Variants in PTPN3 observed in about 807,000 individuals in gnomAD.
The protein encoded by PTPN3 is protein tyrosine phosphatase non-receptor type 3.
PTPN3 carries 96 observed loss-of-function variants against 132.7 expected under a neutral mutation model. The observed-to-expected ratio is 0.72, with a 90% CI of 0.61 to 0.86. The LOEUF is 0.86. PTPN3 is among the 40% of genes least tolerant of loss of function. The pLI, the probability that PTPN3 is intolerant of heterozygous loss-of-function variation, is 0.00. For synonymous variants in PTPN3, 398 were observed against 429.0 expected (o/e 0.93, Z 0.89); for missense variants, 1,125 against 1,159.6 (o/e 0.97, Z 0.43).
chr9:109,395,632 T>C (rs1004299561), intron 19 of PTPN3, among the ~76,000 whole-genome samples: 4 of 151,884 alleles, frequency 2.6e-5, no homozygotes, highest in Admixed American at 2.6e-4. Context: ...ACTAAAAATA[T>C]AAAAATTAGC....
chr9:109,514,109 C>T, the PTPN3 span, among the ~76,000 whole-genome samples: 1 of 152,170 alleles, frequency 6.6e-6, no homozygotes, highest in Non-Finnish European at 1.5e-5. Context: ...GACGTGTTCT[C>T]TCCATTCGGC....
At chr9:109,417,221 T>C (rs1254394229) in intron 14 of PTPN3, among the ~76,000 whole-genome samples, 1 of 152,222 alleles carries the variant, frequency 6.6e-6, no homozygotes, top group Non-Finnish European at 1.5e-5. Flanking sequence ...TGTGCTGCTA[T>C]AAATACGGAA....
intron 19 of PTPN3, among the ~76,000 whole-genome samples, chr9:109,393,475 C>A (rs1054535393): frequency 6.7e-6 from 1 of 150,028 alleles, no homozygotes; most frequent in Non-Finnish European, 1.5e-5. Context: ...AACCTCCATC[C>A]CCTGGGGTTC....
chr9:109,478,455 G>C (rs1846797041), intron 1 of PTPN3, among the ~76,000 whole-genome samples: 2 of 152,158 alleles, frequency 1.3e-5, no homozygotes, highest in African/African-American at 4.8e-5. Flanking sequence ...CACTAGCAGA[G>C]CTCAGATGTC....
chr9:109,491,237 T>C (rs532625271), intron 1 of PTPN3, among the ~76,000 whole-genome samples: 8 of 152,134 alleles, frequency 5.3e-5, no homozygotes, highest in Admixed American at 2.0e-4. Context: ...TTGAGGTTTA[T>C]AGATTAAACA....
At chr9:109,479,913 C>T (rs1056091409) in intron 1 of PTPN3, among the ~76,000 whole-genome samples, 6 of 152,162 alleles carry the variant, frequency 3.9e-5, no homozygotes, top group Admixed American at 3.3e-4. Context: ...TTGTTTTCTA[C>T]AGAGGCTGCA....
At chr9:109,425,196 A>T (rs990867763) in intron 12 of PTPN3, among the ~76,000 whole-genome samples, 4 of 152,246 alleles carry the variant, frequency 2.6e-5, no homozygotes, top group African/African-American at 9.6e-5. Context: ...GAGAGATAGC[A>T]TTTAGCACCA....
At chr9:109,391,329 C>T in intron 20 of PTPN3, 130 bp from the exon 21 acceptor site, 1 of 1,272,748 alleles carries the variant, frequency 7.9e-7, no homozygotes, top group Non-Finnish European at 1.1e-6. Context: ...CCCAACTGTT[C>T]CGAGTCTGAA....
intron 1 of PTPN3, among the ~76,000 whole-genome samples, chr9:109,495,121 G>GTC (rs1196648766): frequency 1.3e-5 from 2 of 152,198 alleles, no homozygotes; most frequent in East Asian, 3.9e-4. Context: ...CACTGACCTG[G>GTC]TCTCCTCCTG....
intron 1 of PTPN3, among the ~76,000 whole-genome samples, chr9:109,482,695 T>C (rs2132104732): frequency 6.6e-6 from 1 of 152,270 alleles, no homozygotes; most frequent in Admixed American, 6.5e-5. Context: ...CACTATCCAC[T>C]GTCTGCCCTG....
chr9:109,379,863 C>A (rs567943370), intron 25 of PTPN3, among the ~76,000 whole-genome samples: 2 of 152,244 alleles, frequency 1.3e-5, no homozygotes, highest in South Asian at 2.1e-4. Flanking sequence ...GAGAAACTGG[C>A]GGTCTGGGGG....
At chr9:109,448,902 C>CAAAAAAAAAAAAAAAA in intron 5 of PTPN3, 47 bp from the exon 6 acceptor site, 1 of 1,290,370 alleles carries the variant, frequency 7.7e-7, no homozygotes, top group Non-Finnish European at 9.8e-7. Context: ...CTGAAATAAG[C>CAAAAAAAAAAAAAAAA]AAAAAAAAAA....
intron 9 of PTPN3, among the ~76,000 whole-genome samples, chr9:109,435,829 C>T (rs974455317): frequency 6.6e-6 from 1 of 152,100 alleles, no homozygotes; most frequent in Non-Finnish European, 1.5e-5. Context: ...TGGTCAAGTC[C>T]CAAAGCTGAT....
intron 9 of PTPN3, among the ~76,000 whole-genome samples, chr9:109,434,956 A>G (rs1307719979): frequency 6.6e-6 from 1 of 152,208 alleles, no homozygotes; most frequent in Non-Finnish European, 1.5e-5. Context: ...GATACTGTGG[A>G]AAGTCCAGGC....
At chr9:109,401,249 C>T (rs77407640) in intron 19 of PTPN3, among the ~76,000 whole-genome samples, 4,457 of 152,182 alleles carry the variant, frequency 0.029, 118 homozygotes, top group East Asian at 0.15. Context: ...GCAGTGGTTC[C>T]GGTTGGGTCT....
intron 1 of PTPN3, among the ~76,000 whole-genome samples, chr9:109,481,145 C>T (rs377439900): frequency 2.6e-5 from 4 of 152,148 alleles, no homozygotes; most frequent in African/African-American, 9.7e-5. Flanking sequence ...CCTAACTGGA[C>T]AAGACAGAGG....
At chr9:109,476,000 T>C (rs1321408567) in intron 1 of PTPN3, among the ~76,000 whole-genome samples, 3 of 152,208 alleles carry the variant, frequency 2.0e-5, no homozygotes, top group Non-Finnish European at 4.4e-5. Context: ...TTGTCTCTGA[T>C]CAGCCAGGTG....
chr9:109,389,263 G>A lies in PTPN3; in HGVS notation c.2223C>T (p.Val741=), dbSNP rs1839855776. 1 of 1,614,164 alleles carries A rather than the reference G, an allele frequency of 6.2e-7. No individual in the cohort carries two copies. The highest frequency in any genetic ancestry group is 1.3e-5 in the African/African-American group (1 of 75,046). The change falls in exon 22 of 26, where the codon GTC becomes GTT. Residue 741 remains valine, a synonymous_variant. Transcript: ENST00000374541. ...CTCGTTCTGTGAGAGTCGTCAACAT[G>A]ACAATGAGTGACAACTTCTGATCCC... ...VVWDQKLSLI[V]MLTTLTERGR...
Position 109,422,889 on chromosome 9 carries a change from C to A in PTPN3, c.1002-37G>T, listed in dbSNP as rs113718920. 7.3e-5 allele frequency: 117 copies of A among 1,599,406 alleles called. 1 individual carries two copies. The highest frequency in any genetic ancestry group is 6.6e-4 in the Middle Eastern group (4 of 6,040). On this transcript the variant is annotated intron_variant, in intron 12 of 25. Transcript: ENST00000374541. ...GATGCAGGTTCACTTTCTACACTGA[C>A]GTTCAACAGGAAAGAAATTACTGCA...
Sources: gnomAD v4.1 joint callset for allele counts (sites outside exome capture counted in the v4.1 genomes callset) on GRCh38, gnomAD v4.1.1 for gene constraint, MANE v1.5 for transcripts, NCBI Gene and HGNC (gene_info 2026-07-23, HGNC 2026-07-21) for gene names.